Variants in EFL1 observed in about 807,000 individuals in gnomAD.
The protein encoded by EFL1 is elongation factor like GTPase 1, also known as elongation factor-like GTPase 1.
Under a neutral mutation model 126.7 loss-of-function variants are expected in EFL1, and 76 were observed. The observed-to-expected ratio is 0.60, with a 90% CI of 0.50 to 0.73. EFL1 has a LOEUF of 0.73. Ranked by LOEUF, EFL1 falls within the 30% of genes least tolerant of loss-of-function variation. EFL1 has a pLI of 0.00. For missense variants in EFL1, 1,128 were observed against 1,343.2 expected (o/e 0.84, Z 2.50); for synonymous variants, 410 against 448.4 (o/e 0.91, Z 1.08).
chr15:82,235,202 TTAGATAA>T (rs1412947585), intron 7 of EFL1, among the ~76,000 whole-genome samples: 2 of 152,334 alleles, frequency 1.3e-5, no homozygotes, highest in East Asian at 3.9e-4. Context: ...TTCTTGAGAC[TTAGATAA>T]TAGATAGTAA....
At chr15:82,203,837 C>T (rs1411088935) in intron 15 of EFL1, among the ~76,000 whole-genome samples, 1 of 152,190 alleles carries the variant, frequency 6.6e-6, no homozygotes, top group Non-Finnish European at 1.5e-5. Context: ...ATCTATTCTT[C>T]TGCCAATGGA....
intron 16 of EFL1, among the ~76,000 whole-genome samples, chr15:82,158,171 A>G (rs2073987140): frequency 6.6e-6 from 1 of 152,218 alleles, no homozygotes; most frequent in Admixed American, 6.5e-5. Context: ...TCTTATAACG[A>G]ATGTATACAT....
chr15:82,167,898 C>T (rs953166775), intron 15 of EFL1, among the ~76,000 whole-genome samples: 2 of 152,220 alleles, frequency 1.3e-5, no homozygotes, highest in Middle Eastern at 3.2e-3. Flanking sequence ...TAACATTCTT[C>T]ACCCAAGAAC....
chr15:82,175,019 T>C (rs2074179395), intron 15 of EFL1, among the ~76,000 whole-genome samples: 1 of 152,232 alleles, frequency 6.6e-6, no homozygotes, highest in Non-Finnish European at 1.5e-5. Context: ...ATTAAGTGTC[T>C]AGTAATGACT....
rs146305078 is a variant in EFL1, at chr15:82,233,439, G to A, written c.732-2468C>T. Among the ~76,000 whole-genome samples the A allele has an allele frequency of 7.0e-3, 1,062 of 152,238 alleles. 14 individuals are homozygous for A. Among genetic ancestry groups the A allele is most frequent in the African/African-American group, 0.024 (1,014 of 41,526 alleles). Reference sequence around the variant, plus strand: ...CTATTCATTGCCTATCTTCCTGAATGACAACTCAGTCAAGTATGAAATTAC... The same window carrying A: ...CTATTCATTGCCTATCTTCCTGAATAACAACTCAGTCAAGTATGAAATTAC... On this transcript the variant is annotated intron_variant, in intron 7 of 19. Coordinates refer to ENST00000268206, the MANE Select transcript of EFL1 (RefSeq NM_024580.6).
At chr15:82,178,662 G>A (rs2074218854) in intron 15 of EFL1, among the ~76,000 whole-genome samples, 1 of 152,120 alleles carries the variant, frequency 6.6e-6, no homozygotes, top group African/African-American at 2.4e-5. Flanking sequence ...CTTGACTACT[G>A]GATTACCCTG....
rs2074455953 is a variant in EFL1, at chr15:82,200,482, G to A, written c.1750+14235C>T. ...GTAATCTTGGCTTTACAAAAGCCTG[G>A]GACAATGTTCTCCCCTCCTGTTGAC... On this transcript the variant is annotated intron_variant, in intron 15 of 19. Coordinates refer to ENST00000268206, the MANE Select transcript of EFL1 (RefSeq NM_024580.6). 2.0e-5 allele frequency among the ~76,000 whole-genome samples: 3 copies of A among 152,182 alleles called. No homozygotes were observed. The South Asian group carries it at 6.2e-4, about 32-fold the overall frequency.
At chr15:82,147,009 T>C (rs575194549) in intron 18 of EFL1, among the ~76,000 whole-genome samples, 1 of 151,950 alleles carries the variant, frequency 6.6e-6, no homozygotes, top group Non-Finnish European at 1.5e-5. Context: ...TATCCTAGGG[T>C]GGCCTGGTCA....
intron 17 of EFL1, among the ~76,000 whole-genome samples, chr15:82,153,069 T>C (rs2073930794): frequency 6.6e-6 from 1 of 152,244 alleles, no homozygotes. Flanking sequence ...TAGACACATA[T>C]AGCTACTAAG....
At chr15:82,186,103 T>A (rs1310917769) in intron 15 of EFL1, among the ~76,000 whole-genome samples, 1 of 152,196 alleles carries the variant, frequency 6.6e-6, no homozygotes, top group Non-Finnish European at 1.5e-5. Context: ...TGTCATTCTT[T>A]CTCTGATTAC....
At chr15:82,231,094 T>G in intron 7 of EFL1, 123 bp from the exon 8 acceptor site, 1 of 1,197,862 alleles carries the variant, frequency 8.3e-7, no homozygotes, top group Non-Finnish European at 1.1e-6. Context: ...CAAAATTTCC[T>G]CATTTTACAG....
chr15:82,184,034 A>G (rs1473036976), intron 15 of EFL1, among the ~76,000 whole-genome samples: 2 of 152,210 alleles, frequency 1.3e-5, no homozygotes, highest in Non-Finnish European at 1.5e-5. Context: ...GTGGGTAAAG[A>G]TGTGAATCAG....
chr15:82,227,169 A>G (rs1390433656), intron 11 of EFL1, among the ~76,000 whole-genome samples: 1 of 152,252 alleles, frequency 6.6e-6, no homozygotes, highest in Non-Finnish European at 1.5e-5. Context: ...TGGAACCTAC[A>G]AAGCCCAGAA....
At chr15:82,167,643 T>TA (rs1567047786) in intron 15 of EFL1, among the ~76,000 whole-genome samples, 1 of 152,146 alleles carries the variant, frequency 6.6e-6, no homozygotes, top group Non-Finnish European at 1.5e-5. Flanking sequence ...AGGATGAGGT[T>TA]ACACTGGCAA....
At chr15:82,182,519 A>G (rs1263105990) in intron 15 of EFL1, among the ~76,000 whole-genome samples, 1 of 152,106 alleles carries the variant, frequency 6.6e-6, no homozygotes, top group Non-Finnish European at 1.5e-5. Context: ...GGATGGCAAG[A>G]TGCCTGTAAA....
Position 82,163,768 on chromosome 15 carries a change from A to C in EFL1, c.1882+85T>G, listed in dbSNP as rs548880151. The stretch of plus-strand genomic sequence containing the variant: ...AAAATTCATTATATACTGCTGAAAC[A>C]AGTCATGAGGAATCAAATACTAAAT... On this transcript the variant is annotated intron_variant, in intron 16 of 19. Coordinates refer to ENST00000268206, the MANE Select transcript of EFL1 (RefSeq NM_024580.6). 1.0e-5 allele frequency: 15 copies of C among 1,477,086 alleles called. No individual in the cohort carries two copies. The East Asian group carries it at 3.6e-4, about 36-fold the overall frequency. 91.5% of individuals were successfully genotyped at this position (1,477,086 alleles called of 1,614,324 possible). A position where few individuals can be genotyped will look rare whatever the true frequency, so the allele number is the denominator to read the frequency against.
intron 7 of EFL1, among the ~76,000 whole-genome samples, chr15:82,234,806 A>G (rs1160258619): frequency 6.6e-6 from 1 of 152,168 alleles, no homozygotes; most frequent in African/African-American, 2.4e-5. Flanking sequence ...TGCAAATTAC[A>G]TGCAATATCA....
chr15:82,185,147 C>T (rs1478282066), intron 15 of EFL1, among the ~76,000 whole-genome samples: 2 of 150,136 alleles, frequency 1.3e-5, no homozygotes, highest in Admixed American at 1.3e-4. Context: ...CATACAAATC[C>T]TTAGGAATGT....
intron 15 of EFL1, among the ~76,000 whole-genome samples, chr15:82,206,701 G>A (rs1367825207): frequency 6.6e-6 from 1 of 152,038 alleles, no homozygotes; most frequent in Non-Finnish European, 1.5e-5. Flanking sequence ...TGAGCATAAA[G>A]TACCAAAACT....
Sources: gnomAD v4.1 joint callset for allele counts (sites outside exome capture counted in the v4.1 genomes callset) on GRCh38, gnomAD v4.1.1 for gene constraint, MANE v1.5 for transcripts, NCBI Gene and HGNC (gene_info 2026-07-23, HGNC 2026-07-21) for gene names.